RELB: variants seen among roughly 807,000 people sequenced by gnomAD.
RELB encodes the protein RELB proto-oncogene, NF-kB subunit.
Under a neutral mutation model 55.4 loss-of-function variants are expected in RELB, and 14 were observed. The ratio of observed to expected loss-of-function variants is 0.25; its 90% CI spans 0.17 to 0.40. The LOEUF (loss-of-function observed/expected upper bound fraction) is 0.40. RELB is among the 10% of genes least tolerant of loss of function. RELB has a pLI of 1.00. For missense variants in RELB, 669 were observed against 830.7 expected (o/e 0.81, Z 2.39); for synonymous variants, 409 against 371.3 (o/e 1.10, Z -1.17).
intron 4 of RELB, chr19:45,021,849 G>T: frequency 2.1e-6 from 1 of 479,710 alleles, no homozygotes; most frequent in South Asian, 3.5e-5. Context: ...TGCTGGGATT[G>T]CAGGCGTGAG....
In RELB at chr19:45,012,133, C is replaced by A; in HGVS notation, c.361C>A (p.Pro121Thr). ...CCGACTAGTGTCCCCAGCGCCGGGC[C>A]CGGGCCCGCAGCCGCACCTGGTCAT... Reference protein sequence around the residue: ...LGRLVSPAPGPGPQPHLVITE... With the variant: ...LGRLVSPAPGTGPQPHLVITE... Residue 121 changes from proline to threonine, a missense_variant, in exon 4 of 12, where the codon CCG (proline) becomes ACG (threonine). Pro to Thr is a conservative substitution (Grantham distance 38). This residue lies in a region of RELB where 323 missense variants were observed against 368.5 expected (regional missense o/e 0.88). Transcript: ENST00000221452. 2 of 1,557,102 alleles carry A rather than the reference C, an allele frequency of 1.3e-6. No homozygotes were observed. Among genetic ancestry groups the A allele is most frequent in the Non-Finnish European group, 1.7e-6 (2 of 1,160,652 alleles).
chr19:45,023,570 T>A (rs2122458723), intron 5 of RELB, among the ~76,000 whole-genome samples: 1 of 151,322 alleles, frequency 6.6e-6, no homozygotes, highest in Non-Finnish European at 1.5e-5. Flanking sequence ...CGCAAGTAGC[T>A]GGGACTGCAG....
At chr19:45,013,427 C>T (rs1971385915) in intron 4 of RELB, among the ~76,000 whole-genome samples, 2 of 150,918 alleles carry the variant, frequency 1.3e-5, no homozygotes, top group South Asian at 4.2e-4. Context: ...AGGTGTGAGC[C>T]ACTGTGCCTG....
At chr19:45,037,033 CT>C (rs1278395470) in intron 11 of RELB, among the ~76,000 whole-genome samples, 2 of 152,162 alleles carry the variant, frequency 1.3e-5, no homozygotes, top group Non-Finnish European at 2.9e-5. Flanking sequence ...AATCCCAGCA[CT>C]TTGGGAGGCC....
chr19:45,006,942 C>T (rs1289361884), intron 2 of RELB, among the ~76,000 whole-genome samples: 1 of 117,836 alleles, frequency 8.5e-6, no homozygotes, highest in Non-Finnish European at 1.7e-5. Context: ...GTGACAACAG[C>T]AAAACTCCAT....
At chr19:45,016,693 T>C (rs1971424263) in intron 4 of RELB, among the ~76,000 whole-genome samples, 1 of 152,066 alleles carries the variant, frequency 6.6e-6, no homozygotes, top group Non-Finnish European at 1.5e-5. Context: ...AAGAATATTA[T>C]TGGTGTCAAA....
chr19:45,034,295 G>A lies in RELB; in HGVS notation c.1259G>A (p.Gly420Glu). ...AAACGGGGGATGCCCGACGTCCTTG[G>A]GGAGCTGAACAGCTCTGGTGTGTGC... ...KRKRGMPDVL[G>E]ELNSSDPHGI... Residue 420 changes from glycine to glutamate, a missense_variant, in exon 10 of 12, where the codon GGG becomes GAG. By Grantham distance (98) the Gly-to-Glu change is moderately conservative. This residue lies in a region of RELB where 341 missense variants were observed against 436.8 expected (regional missense o/e 0.78). Coordinates refer to ENST00000221452, the MANE Select transcript of RELB (RefSeq NM_006509.4). 1 of 1,614,006 alleles carries A rather than the reference G, an allele frequency of 6.2e-7. No homozygotes were observed. Among genetic ancestry groups the A allele is most frequent in the Non-Finnish European group, 8.5e-7 (1 of 1,179,872 alleles).
Position 45,032,599 on chromosome 19 carries a change from G to T in RELB, c.1057G>T (p.Val353Leu). 6.2e-7 allele frequency: 1 copy of T among 1,613,524 alleles called. No individual in the cohort carries two copies. Residue 353 changes from valine to leucine, a missense_variant, in exon 9 of 12, where the codon GTG becomes TTG. By Grantham distance (32) the Val-to-Leu change is conservative (BLOSUM62 1). Around this residue, in one of 3 missense-constraint regions of RELB, gnomAD observed 341 missense variants for 436.8 expected, o/e 0.78. Transcript: ENST00000221452. Reference sequence around the variant, plus strand: ...TCGGGCTGACTTCTCCCAGGCCGACGTGCACCGCCAGATTGCCATTGTGTT... The same window carrying T: ...TCGGGCTGACTTCTCCCAGGCCGACTTGCACCGCCAGATTGCCATTGTGTT... ...EGRADFSQAD[V>L]HRQIAIVFKT...
chr19:45,033,514 G>A lies in RELB; in HGVS notation c.1208-730G>A, dbSNP rs564798168. On this transcript the variant is annotated intron_variant, in intron 9 of 11. Transcript: ENST00000221452. ...AGCCTGAACAACATGGCGAAACCCC[G>A]TCTCTACTAAAAATACAAAAATTAG... 6.6e-5 allele frequency among the ~76,000 whole-genome samples: 10 copies of A among 150,908 alleles called. No individual in the cohort carries two copies. In the South Asian group the frequency reaches 1.1e-3, roughly 16 times the overall value.
intron 9 of RELB, among the ~76,000 whole-genome samples, chr19:45,033,223 G>A (rs1971646454): frequency 6.6e-6 from 1 of 152,198 alleles, no homozygotes; most frequent in African/African-American, 2.4e-5. Context: ...GTCAGGGAAT[G>A]CTTCTTGGAG....
intron 8 of RELB, among the ~76,000 whole-genome samples, chr19:45,030,435 C>T (rs888645418): frequency 3.3e-5 from 5 of 152,170 alleles, no homozygotes; most frequent in African/African-American, 1.2e-4. Flanking sequence ...AGTTCAAAAC[C>T]AGCATGGCCA....
rs999613838 is a variant in RELB at position 45,002,298 on chromosome 19, T to C, written c.106+613T>C. 1.4e-3 allele frequency among the ~76,000 whole-genome samples: 217 copies of C among 152,166 alleles called. 2 individuals are homozygous for C. The highest frequency in any genetic ancestry group is 2.6e-4 in the Non-Finnish European group (18 of 67,998). On this transcript the variant is annotated intron_variant, in intron 1 of 11. Coordinates refer to ENST00000221452, the MANE Select transcript of RELB (RefSeq NM_006509.4). ...CAGACGGAGAAGCGGAGCCTTGACA[T>C]TGAAAAAATTAAAAGTGGTCTGACC...
At chr19:45,019,588 T>G (rs984334914) in intron 4 of RELB, among the ~76,000 whole-genome samples, 1 of 152,210 alleles carries the variant, frequency 6.6e-6, no homozygotes, top group African/African-American at 2.4e-5. Flanking sequence ...TGTTTCTTCC[T>G]CCTTAATCCA....
At chr19:45,012,668 T>A (rs1429422950) in intron 4 of RELB, among the ~76,000 whole-genome samples, 2 of 146,204 alleles carry the variant, frequency 1.4e-5, no homozygotes, top group Non-Finnish European at 3.0e-5. Flanking sequence ...CCCAGGGAGG[T>A]GCAGGCTGCT....
chr19:45,032,000 G>A (rs1015226893), intron 8 of RELB, among the ~76,000 whole-genome samples: 24 of 151,802 alleles, frequency 1.6e-4, no homozygotes, highest in African/African-American at 5.3e-4. Flanking sequence ...CACTTTGGGA[G>A]GCCAAGGCGG....
intron 4 of RELB, 44 bp from the exon 5 acceptor site, chr19:45,022,009 G>T (rs1376619300): frequency 6.4e-7 from 1 of 1,563,784 alleles, no homozygotes; most frequent in Non-Finnish European, 8.7e-7. Flanking sequence ...GATGGACGCA[G>T]GCATCGGTGA....
chr19:45,027,967 AC>A (rs1364606330), intron 7 of RELB, among the ~76,000 whole-genome samples: 3 of 152,006 alleles, frequency 2.0e-5, no homozygotes, highest in Non-Finnish European at 4.4e-5. Flanking sequence ...TGCAGCCTGA[AC>A]TCCTGGGCTC....
At chr19:45,023,438 T>G (rs199598868) in intron 5 of RELB, among the ~76,000 whole-genome samples, 2 of 150,254 alleles carry the variant, frequency 1.3e-5, no homozygotes, top group Admixed American at 1.3e-4. Flanking sequence ...CCTTCCGTCC[T>G]TCTTTCTTTC....
chr19:45,012,136 G>C lies in RELB; in HGVS notation c.364G>C (p.Gly122Arg), dbSNP rs1600067240. 5 of 1,558,776 alleles carry C rather than the reference G, an allele frequency of 3.2e-6. No individual in the cohort carries two copies. The highest frequency in any genetic ancestry group is 4.3e-6 in the Non-Finnish European group (5 of 1,161,458). Residue 122 changes from glycine (G) to arginine (R), a missense_variant, in exon 4 of 12, where the codon GGC becomes CGC. Gly to Arg is a moderately radical substitution (Grantham distance 125, BLOSUM62 -2). Around this residue, in one of 3 missense-constraint regions of RELB, gnomAD observed 323 missense variants for 368.5 expected, o/e 0.88. Coordinates refer to ENST00000221452, the MANE Select transcript of RELB (RefSeq NM_006509.4). ...GRLVSPAPGPGPQPHLVITEQ... is the reference protein window; with the variant it reads ...GRLVSPAPGPRPQPHLVITEQ... ...ACTAGTGTCCCCAGCGCCGGGCCCGGGCCCGCAGCCGCACCTGGTCATCAC... is the reference window on the plus strand; with the variant it reads ...ACTAGTGTCCCCAGCGCCGGGCCCGCGCCCGCAGCCGCACCTGGTCATCAC...
Sources: allele counts gnomAD v4.1 joint callset (sites outside exome capture counted in the v4.1 genomes callset), GRCh38; gene constraint gnomAD v4.1.1; regional missense constraint gnomAD v4.1.1; transcripts MANE v1.5; gene names NCBI Gene and HGNC (gene_info 2026-07-23, HGNC 2026-07-21).